The following PCDH11Y variants were observed in gnomAD, a reference collection of about 807,000 sequenced individuals.
PCDH11Y encodes protocadherin-11 Y-linked.
For missense variants in PCDH11Y, 12 were observed against 224.8 expected (o/e 0.05, Z 6.05); for synonymous variants, 9 against 83.6 (o/e 0.11, Z 4.87).
chrY:5,041,575 G>T, intron 3 of PCDH11Y, among the ~76,000 whole-genome samples: 1 of 32,430 alleles, frequency 3.1e-5, no homozygotes, highest in Non-Finnish European at 7.5e-5. Flanking sequence ...ACATACGTGT[G>T]CATGTGTCTT....
chrY:5,582,929 T>C (rs2053452013), intron 4 of PCDH11Y, among the ~76,000 whole-genome samples: 3 of 33,204 alleles, frequency 9.0e-5, no homozygotes, highest in Non-Finnish European at 2.3e-4. Context: ...TGTTGGATAA[T>C]GCTCAAAGAG....
intron 2 of PCDH11Y, among the ~76,000 whole-genome samples, chrY:5,158,904 A>G: frequency 3.0e-5 from 1 of 32,898 alleles, no homozygotes; most frequent in African/African-American, 1.2e-4. Context: ...TTAAAGTTAA[A>G]TTATTTTTCC....
At chrY:5,278,413 T>C in intron 2 of PCDH11Y, among the ~76,000 whole-genome samples, 1 of 33,510 alleles carries the variant, frequency 3.0e-5, no homozygotes, top group African/African-American at 1.2e-4. Flanking sequence ...CCTCCCAAAG[T>C]GCTGGGATTG....
intron 4 of PCDH11Y, among the ~76,000 whole-genome samples, chrY:5,696,422 T>C: frequency 2.8e-4 from 9 of 32,524 alleles, no homozygotes; most frequent in Admixed American, 2.6e-3. Context: ...TAGTATTCTC[T>C]GATGGTTGTT....
At chrY:5,092,117 G>A (rs2052742439) in intron 1 of PCDH11Y, among the ~76,000 whole-genome samples, 17 of 31,489 alleles carry the variant, frequency 5.4e-4, no homozygotes, top group Non-Finnish European at 3.1e-4. Flanking sequence ...TTACCCAAAG[G>A]GAGATGGTGT....
At chrY:5,520,490 G>A (rs2124690189) in intron 3 of PCDH11Y, among the ~76,000 whole-genome samples, 1 of 31,833 alleles carries the variant, frequency 3.1e-5, no homozygotes, top group South Asian at 7.0e-4. Flanking sequence ...GTTTTGTAGT[G>A]TTTTGTATGA....
At chrY:5,706,951 T>C (rs2053583374) in intron 4 of PCDH11Y, among the ~76,000 whole-genome samples, 1 of 33,273 alleles carries the variant, frequency 3.0e-5, no homozygotes, top group South Asian at 6.5e-4. Context: ...CTTTTCATCA[T>C]GATAAAATGA....
intron 4 of PCDH11Y, among the ~76,000 whole-genome samples, chrY:5,589,210 G>A: frequency 3.1e-5 from 1 of 32,657 alleles, no homozygotes; most frequent in Non-Finnish European, 7.5e-5. Context: ...GACGGACCCA[G>A]AGGGAGGTAA....
chrY:5,058,587 A>C, intron 1 of PCDH11Y, among the ~76,000 whole-genome samples: 1 of 29,788 alleles, frequency 3.4e-5, no homozygotes, highest in Non-Finnish European at 8.0e-5. Flanking sequence ...TTTCTCAACT[A>C]ATGCTGATCT....
chrY:5,369,631 A>G, intron 2 of PCDH11Y, among the ~76,000 whole-genome samples: 1 of 31,951 alleles, frequency 3.1e-5, no homozygotes, highest in Admixed American at 2.9e-4. Context: ...ATAGGTTTAC[A>G]TAATTTAGCT....
At chrY:5,584,621 T>C (rs2053453581) in intron 4 of PCDH11Y, among the ~76,000 whole-genome samples, 1 of 27,447 alleles carries the variant, frequency 3.6e-5, no homozygotes, top group Non-Finnish European at 8.5e-5. Flanking sequence ...GGGGTACAAG[T>C]GTAGGTTTGT....
At chrY:5,030,138 A>C in intron 1 of PCDH11Y, among the ~76,000 whole-genome samples, 1 of 32,847 alleles carries the variant, frequency 3.0e-5, no homozygotes, top group Non-Finnish European at 7.5e-5. Context: ...CATGAAAAAA[A>C]ATAATAAAAT....
At chrY:5,172,813 A>C in intron 2 of PCDH11Y, among the ~76,000 whole-genome samples, 1 of 32,213 alleles carries the variant, frequency 3.1e-5, no homozygotes, top group Non-Finnish European at 7.6e-5. Flanking sequence ...ACAGACAAAA[A>C]ATTACCAAAC....
chrY:5,074,082 A>G, intron 1 of PCDH11Y, among the ~76,000 whole-genome samples: 2 of 32,827 alleles, frequency 6.1e-5, no homozygotes, highest in African/African-American at 1.2e-4. Context: ...TTGAAGCTAG[A>G]TAATTCTTCC....
At chrY:5,093,309 A>T in intron 1 of PCDH11Y, among the ~76,000 whole-genome samples, 2 of 32,974 alleles carry the variant, frequency 6.1e-5, no homozygotes, top group Non-Finnish European at 1.5e-4. Flanking sequence ...TCACAAATGA[A>T]GGTTATTAGG....
At chrY:5,674,010 G>T in intron 4 of PCDH11Y, among the ~76,000 whole-genome samples, 1 of 32,356 alleles carries the variant, frequency 3.1e-5, no homozygotes, top group African/African-American at 1.2e-4. Flanking sequence ...GAACTAAGAA[G>T]GATCCTGCAA....
intron 2 of PCDH11Y, among the ~76,000 whole-genome samples, chrY:5,236,930 G>T (rs2052975958): frequency 3.1e-5 from 1 of 31,976 alleles, no homozygotes; most frequent in African/African-American, 1.2e-4. Flanking sequence ...CTCAACATCT[G>T]TGCTGCTTTA....
intron 2 of PCDH11Y, among the ~76,000 whole-genome samples, chrY:5,454,211 G>A (rs2124683033): frequency 3.0e-5 from 1 of 33,628 alleles, no homozygotes; most frequent in South Asian, 6.6e-4. Context: ...ATACCATCAG[G>A]AGAGTCATTA....
intron 1 of PCDH11Y, among the ~76,000 whole-genome samples, chrY:5,088,038 C>CT (rs2052734370): frequency 7.2e-5 from 2 of 27,963 alleles, no homozygotes; most frequent in Admixed American, 6.5e-4. Context: ...GGTGATTCAA[C>CT]TTTTTTTTTT....
Sources: allele counts gnomAD v4.1 joint callset (sites outside exome capture counted in the v4.1 genomes callset), GRCh38; gene constraint gnomAD v4.1.1; transcripts MANE v1.5; gene names NCBI Gene and HGNC (gene_info 2026-07-23, HGNC 2026-07-21).